The following TNRC6B variants were observed in gnomAD, a reference collection of about 807,000 sequenced individuals.
TNRC6B encodes the protein trinucleotide repeat containing adaptor 6B.
Under a neutral mutation model 203.6 loss-of-function variants are expected in TNRC6B, and 52 were observed. The observed-to-expected ratio is 0.26, with a 90% CI of 0.20 to 0.32. The LOEUF is 0.32. Among genes scored for constraint, TNRC6B ranks in the 10% least tolerant of loss-of-function variants. The probability of loss-of-function intolerance (pLI) is 1.00; values close to 1 mark genes in which losing one functional copy is unlikely to be tolerated. For synonymous variants in TNRC6B, 838 were observed against 845.7 expected (o/e 0.99, Z 0.16); for missense variants, 1,923 against 2,286.2 (o/e 0.84, Z 3.24).
chr22:40,190,820 G>T (rs189245888), intron 1 of TNRC6B, among the ~76,000 whole-genome samples: 1 of 151,866 alleles, frequency 6.6e-6, no homozygotes, highest in East Asian at 1.9e-4. Context: ...GGAAGCATTG[G>T]CATGCTGGGT....
intron 15 of TNRC6B, among the ~76,000 whole-genome samples, chr22:40,304,481 A>G (rs1308444983): frequency 6.6e-6 from 1 of 152,208 alleles, no homozygotes; most frequent in Non-Finnish European, 1.5e-5. Context: ...ATATTTTAGT[A>G]TCTGTGTTAC....
intron 1 of TNRC6B, among the ~76,000 whole-genome samples, chr22:40,053,669 A>G (rs1458708275): frequency 2.0e-5 from 3 of 152,198 alleles, no homozygotes; most frequent in African/African-American, 4.8e-5. Context: ...TTGCATCCCT[A>G]GGCACATACT....
At chr22:40,120,228 T>A (rs375661208) in intron 2 of TNRC6B, among the ~76,000 whole-genome samples, 1 of 151,788 alleles carries the variant, frequency 6.6e-6, no homozygotes, top group African/African-American at 2.4e-5. Flanking sequence ...CATGGTGATG[T>A]GTACCTGTAG....
intron 1 of TNRC6B, among the ~76,000 whole-genome samples, chr22:40,104,670 G>C (rs1457708922): frequency 6.6e-6 from 1 of 152,232 alleles, no homozygotes; most frequent in Admixed American, 6.5e-5. Flanking sequence ...CCCAGAAGCA[G>C]AGGATCTAAC....
chr22:40,261,897 T>TC lies in TNRC6B; in HGVS notation c.182dup (p.Pro62AlafsTer86). The stretch of plus-strand genomic sequence containing the variant: ...CGCCAGCCCAATTGGCAGCTCTCCA[T>TC]CGCCACCAGTCAATGGTGGCAACAA... On this transcript the variant is annotated frameshift_variant, in exon 4 of 23. Coordinates refer to ENST00000454349, the MANE Select transcript of TNRC6B (RefSeq NM_001162501.2). LOFTEE classifies it high-confidence loss of function. 6.2e-7 allele frequency: 1 copy of TC among 1,601,538 alleles called. No homozygotes were observed. The highest frequency in any genetic ancestry group is 8.5e-7 in the Non-Finnish European group (1 of 1,169,954).
At chr22:40,132,029 A>G (rs1218962726) in intron 3 of TNRC6B, among the ~76,000 whole-genome samples, 2 of 152,206 alleles carry the variant, frequency 1.3e-5, no homozygotes, top group African/African-American at 4.8e-5. Context: ...TTATTGTTCC[A>G]TATTTTTAGA....
At chr22:40,138,564 C>G (rs1030362505) in intron 3 of TNRC6B, among the ~76,000 whole-genome samples, 3 of 152,194 alleles carry the variant, frequency 2.0e-5, no homozygotes, top group African/African-American at 4.8e-5. Context: ...CCACGCCTGG[C>G]CTGTTACTGT....
chr22:40,085,218 C>T (rs544405488), intron 1 of TNRC6B, among the ~76,000 whole-genome samples: 4 of 152,244 alleles, frequency 2.6e-5, no homozygotes, highest in Non-Finnish European at 5.9e-5. Flanking sequence ...GCCCCTCACA[C>T]GTACATATTT....
intron 1 of TNRC6B, among the ~76,000 whole-genome samples, chr22:40,046,834 A>T (rs995659774): frequency 6.6e-5 from 10 of 151,642 alleles, no homozygotes; most frequent in African/African-American, 2.4e-4. Context: ...TTTAGTAGAG[A>T]CGGCGTTTCA....
chr22:40,172,714 C>T (rs754125381), intron 4 of TNRC6B, among the ~76,000 whole-genome samples: 1 of 152,108 alleles, frequency 6.6e-6, no homozygotes, highest in Non-Finnish European at 1.5e-5. Context: ...TCCTTTTATC[C>T]TTACACCTCC....
At position 40,309,989 on chromosome 22, in the gene TNRC6B, A is replaced by G. The variant is rs79741622; in HGVS notation, c.4259-828A>G. ...AATAGATCAAGTGACCCAATATAGTATGTAAAATTCATTTGAGAAATAAGT... is the reference window on the plus strand; with the variant it reads ...AATAGATCAAGTGACCCAATATAGTGTGTAAAATTCATTTGAGAAATAAGT... On this transcript the variant is annotated intron_variant, in intron 16 of 22. Transcript: ENST00000454349. Among the ~76,000 whole-genome samples the G allele has an allele frequency of 4.2e-3, 634 of 152,342 alleles. 1 individual carries two copies. Among genetic ancestry groups the G allele is most frequent in the Non-Finnish European group, 6.8e-3 (462 of 68,030 alleles).
At chr22:40,086,274 T>C (rs1601807095) in intron 1 of TNRC6B, among the ~76,000 whole-genome samples, 1 of 152,312 alleles carries the variant, frequency 6.6e-6, no homozygotes, top group East Asian at 1.9e-4. Context: ...GTTTTCATAA[T>C]AATAAATTGA....
intron 1 of TNRC6B, among the ~76,000 whole-genome samples, chr22:40,088,286 T>C (rs2068117695): frequency 6.6e-6 from 1 of 152,238 alleles, no homozygotes; most frequent in Non-Finnish European, 1.5e-5. Flanking sequence ...AAGCAGGAAC[T>C]GGACAGCGGG....
At chr22:40,262,473 C>T (rs1291125307) in intron 4 of TNRC6B, among the ~76,000 whole-genome samples, 4 of 152,056 alleles carry the variant, frequency 2.6e-5, no homozygotes, top group African/African-American at 4.8e-5. Flanking sequence ...ATAGTTCCAC[C>T]GTCATATGTG....
At chr22:40,220,286 G>A (rs1439060654) in intron 1 of TNRC6B, among the ~76,000 whole-genome samples, 5 of 152,128 alleles carry the variant, frequency 3.3e-5, no homozygotes, top group South Asian at 2.1e-4. Flanking sequence ...TCATGGAGCC[G>A]GAGCCAGAAT....
At chr22:40,132,967 A>T (rs868330628) in intron 3 of TNRC6B, among the ~76,000 whole-genome samples, 5,963 of 66,140 alleles carry the variant, frequency 0.09, 606 homozygotes, top group African/African-American at 0.28. Flanking sequence ...AAAAAAAAAA[A>T]AAATATATAT....
intron 3 of TNRC6B, among the ~76,000 whole-genome samples, chr22:40,257,404 C>A (rs929948590): frequency 6.6e-6 from 1 of 152,088 alleles, no homozygotes; most frequent in East Asian, 1.9e-4. Context: ...TATTAGAGCA[C>A]GTAAATGGTT....
chr22:40,060,011 A>G (rs186565358), intron 1 of TNRC6B, among the ~76,000 whole-genome samples: 1 of 151,292 alleles, frequency 6.6e-6, no homozygotes, highest in Non-Finnish European at 1.5e-5. Context: ...TTTAGTAGAG[A>G]TGGGACGGGG....
chr22:40,155,070 A>G (rs896656439), intron 3 of TNRC6B, among the ~76,000 whole-genome samples: 1 of 151,076 alleles, frequency 6.6e-6, no homozygotes, highest in Non-Finnish European at 1.5e-5. Flanking sequence ...ATTTTCATGC[A>G]ATATAGTATT....
Sources: allele counts gnomAD v4.1 joint callset (sites outside exome capture counted in the v4.1 genomes callset), GRCh38; gene constraint gnomAD v4.1.1; transcripts MANE v1.5; gene names NCBI Gene and HGNC (gene_info 2026-07-23, HGNC 2026-07-21).